The following MUC5AC variants were observed in gnomAD, a reference collection of about 807,000 sequenced individuals.
MUC5AC encodes the protein mucin-5AC.
Under a neutral mutation model 169.7 loss-of-function variants are expected in MUC5AC, and 158 were observed. The ratio of observed to expected loss-of-function variants is 0.93; its 90% CI spans 0.82 to 1.06. MUC5AC has a LOEUF of 1.06. Among genes scored for constraint, MUC5AC ranks in the 50% least tolerant of loss-of-function variants. The probability of loss-of-function intolerance (pLI) is 0.00; values close to 1 mark genes in which losing one functional copy is unlikely to be tolerated. For missense variants in MUC5AC, 4,359 were observed against 3,089.9 expected, an observed-to-expected ratio of 1.41 and a Z score of -9.74; for synonymous variants, 1,975 against 1,237.0, an observed-to-expected ratio of 1.60 and a Z score of -12.52.
intron 19 of MUC5AC, among the ~76,000 whole-genome samples, chr11:1,175,716 TCA>T (rs1235494728): frequency 6.3e-4 from 37 of 58,672 alleles, no homozygotes; most frequent in African/African-American, 2.4e-3. Flanking sequence ...ATGCACACGC[TCA>T]CACACCCACT....
rs1288865250 is a variant in MUC5AC at position 1,174,994 on chromosome 11, C to T, written c.2205C>T (p.Phe735=). 1 of 405,488 alleles carries T rather than the reference C, an allele frequency of 2.5e-6. No homozygotes were observed. The highest frequency in any genetic ancestry group is 2.1e-5 in the African/African-American group (1 of 48,710). The allele number at this position is 405,488 out of a possible 1,614,324, so 25.1% of individuals were successfully genotyped here. A position where few individuals can be genotyped will look rare whatever the true frequency, so the allele number is the denominator to read the frequency against. ...SEGDITCSVG[F]IPVDGCICPK... is the part of the protein sequence containing the mutation. ...GGGACATCACCTGCAGTGTTGGCTT[C>T]ATCCCCGTGGATGGCTGCATCTGTC... is the stretch of plus-strand genomic sequence containing the variant. Residue 735 remains phenylalanine, a synonymous_variant, in exon 18 of 49, where the codon TTC becomes TTT. Coordinates refer to ENST00000621226, the MANE Select transcript of MUC5AC (RefSeq NM_001304359.2).
intron 43 of MUC5AC, 80 bp from the exon 44 acceptor site, chr11:1,198,794 G>A: frequency 3.0e-6 from 2 of 666,404 alleles, no homozygotes; most frequent in Non-Finnish European, 2.7e-6. Context: ...GAAGTTGGGG[G>A]CAGCAAGCCA....
rs542242426 is a variant in MUC5AC, at chr11:1,166,405, C to T, written c.1386+645C>T. On this transcript the variant is annotated intron_variant, in intron 11 of 48. Transcript: ENST00000621226. ...TCTCTCCACAATGAGACCCTGCACC[C>T]GACACACAGTCTCTGCACGATGAGA... is the stretch of plus-strand genomic sequence containing the variant. 7.1e-4 allele frequency among the ~76,000 whole-genome samples: 101 copies of T among 143,142 alleles called. 4 individuals are homozygous for T. Among genetic ancestry groups the T allele is most frequent in the Non-Finnish European group, 1.0e-3 (66 of 65,944 alleles). The allele number at this position is 143,142 out of a possible 152,430, so 93.9% of individuals were successfully genotyped here.
intron 16 of MUC5AC, 58 bp from the exon 17 acceptor site, chr11:1,174,438 G>T: frequency 9.1e-7 from 1 of 1,099,392 alleles, no homozygotes; most frequent in Non-Finnish European, 1.3e-6. Context: ...GCAGGGCGTG[G>T]GGGGCCACCA....
rs530060035 is a variant in MUC5AC at position 1,161,931 on chromosome 11, G to T, written c.236G>T (p.Arg79Leu). 6.2e-7 allele frequency: 1 copy of T among 1,611,934 alleles called. No individual in the cohort carries two copies. The highest frequency in any genetic ancestry group is 8.5e-7 in the Non-Finnish European group (1 of 1,179,580). Residue 79 changes from arginine (R) to leucine (L), a missense_variant, in exon 4 of 49, where the codon CGG becomes CTG. Arg to Leu is a moderately radical substitution (Grantham distance 102). Coordinates refer to ENST00000621226, the MANE Select transcript of MUC5AC (RefSeq NM_001304359.2). ...VRASNPAHNG[R>L]VCSTWGSFHY... The stretch of plus-strand genomic sequence containing the variant: ...GCCTCCAACCCGGCGCACAACGGGC[G>T]GGTGTGCAGCACCTGGGGCAGCTTC...
Position 1,195,865 on chromosome 11 carries a change from C to CAA in MUC5AC, c.15459-11_15459-10insAA. ...AGGCTGCACCCAGCACCCTGCCCAT[C>CAA]CCTCCCACAGGGTCTTTGAGCCGTG... On this transcript the variant is annotated splice_polypyrimidine_tract_variant and intron_variant, in intron 36 of 48. Transcript: ENST00000621226. 1.4e-6 allele frequency: 1 copy of CAA among 712,650 alleles called. No homozygotes were observed. 44.1% of individuals were successfully genotyped at this position (712,650 alleles called of 1,614,324 possible). A position where few individuals can be genotyped will look rare whatever the true frequency, so the allele number is the denominator to read the frequency against.
At position 1,193,681 on chromosome 11, in the gene MUC5AC, A is replaced by T. The variant is rs1316300587; in HGVS notation, c.14755+22A>T. On this transcript the variant is annotated intron_variant, in intron 33 of 48. Transcript: ENST00000621226. ...CAGTGTGAGTGGAGCGCCGAGCGGG[A>T]CCCAGGGCAGCCGGGGCAGCCACTC... 4.0e-6 allele frequency: 3 copies of T among 758,710 alleles called. No homozygotes were observed. The East Asian group carries it at 7.3e-5, about 18-fold the overall frequency. 47.0% of individuals were successfully genotyped at this position (758,710 alleles called of 1,614,324 possible).
chr11:1,163,082 GTC>G, intron 6 of MUC5AC, 37 bp downstream of exon 6: 1 of 1,578,520 alleles, frequency 6.3e-7, no homozygotes. Context: ...CTTCCTCAGT[GTC>G]CCCTGGGGGC....
rs1480208444 is a variant in MUC5AC, at chr11:1,188,814, A to G, written c.10669A>G (p.Ile3557Val). ...CAACATCATCAGGAGTGGGGAAAAA[A>G]TCTGCCGCCGACCTGAGGAGATCAC... ...YNNIIRSGEKICRRPEEITRL... is the reference protein window; with the variant it reads ...YNNIIRSGEKVCRRPEEITRL... The change falls in exon 31 of 49, where the codon ATC becomes GTC. Residue 3557 changes from isoleucine to valine, a missense_variant. Transcript: ENST00000621226. The G allele has an allele frequency of 1.3e-6, 1 of 755,802 alleles. No individual in the cohort carries two copies. Among genetic ancestry groups the G allele is most frequent in the African/African-American group, 1.7e-5 (1 of 58,852 alleles). The allele number at this position is 755,802 out of a possible 1,614,324, so 46.8% of individuals were successfully genotyped here.
rs1385467363 is a variant in MUC5AC, at chr11:1,190,476, A to G, written c.12331A>G (p.Thr4111Ala). ...PQTSTTSAPT[T>A]STIPASTPST... Reference sequence around the variant, plus strand: ...GACCAGCACAACCTCTGCCCCTACAACCAGCACAATCCCTGCTTCTACACC... The same window carrying G: ...GACCAGCACAACCTCTGCCCCTACAGCCAGCACAATCCCTGCTTCTACACC... Residue 4111 changes from threonine to alanine, a missense_variant, in exon 31 of 49, where the codon ACC (threonine) becomes GCC (alanine). Coordinates refer to ENST00000621226, the MANE Select transcript of MUC5AC (RefSeq NM_001304359.2). 4.3e-6 allele frequency: 3 copies of G among 699,550 alleles called. No homozygotes were observed. Among genetic ancestry groups the G allele is most frequent in the Non-Finnish European group, 7.8e-6 (3 of 384,088 alleles). 43.3% of individuals were successfully genotyped at this position (699,550 alleles called of 1,614,324 possible). A position where few individuals can be genotyped will look rare whatever the true frequency, so the allele number is the denominator to read the frequency against.
intron 1 of MUC5AC, 25 bp downstream of exon 1, chr11:1,158,097 T>C: frequency 1.3e-6 from 2 of 1,576,384 alleles, no homozygotes; most frequent in Middle Eastern, 1.8e-4. Context: ...CTGGCCGCTC[T>C]ACTGGTCCTG....
chr11:1,165,488 C>G, intron 10 of MUC5AC, 69 bp downstream of exon 10: 1 of 1,580,978 alleles, frequency 6.3e-7, no homozygotes, highest in South Asian at 1.1e-5. Context: ...GGTTGCAACC[C>G]AGGCCGGCAG....
chr11:1,171,326 CTCACTCACTCACGCAT>C (rs1307098856), intron 15 of MUC5AC, among the ~76,000 whole-genome samples: 8 of 68,844 alleles, frequency 1.2e-4, no homozygotes, highest in Non-Finnish European at 2.0e-4. Flanking sequence ...AGTCACCTCA[CTCACTCACTCACGCAT>C]TCACTCACTC....
chr11:1,189,973 C>T lies in MUC5AC; in HGVS notation c.11828C>T (p.Thr3943Ile). ...TSTSHVSVSK[T>I]THSQPVTRDC... ...ACAAGCCATGTTTCTGTATCCAAGA[C>T]AACCCACTCCCAACCAGTCACCAGA... The change falls in exon 31 of 49, where the codon ACA becomes ATA. Residue 3943 changes from threonine (T) to isoleucine (I), a missense_variant. Transcript: ENST00000621226. 1.3e-6 allele frequency: 1 copy of T among 765,172 alleles called. No homozygotes were observed. The highest frequency in any genetic ancestry group is 2.4e-6 in the Non-Finnish European group (1 of 417,892). The allele number at this position is 765,172 out of a possible 1,614,324, so 47.4% of individuals were successfully genotyped here.
rs1466456057 is a variant in MUC5AC at position 1,182,596 on chromosome 11, C to G, written c.4451C>G (p.Ser1484Cys). ...TGCACGCCCCTACCCTGCTCCACCT[C>G]TAGCAGTCCAGCCCAGACCACTCCT... ...QCCTPLPCST[S>C]SSPAQTTPPT... The change falls in exon 31 of 49, where the codon TCT (serine) becomes TGT (cysteine). Residue 1484 changes from serine (S) to cysteine (C), a missense_variant. Physicochemically the swap from Ser to Cys is moderately radical, Grantham distance 112. Transcript: ENST00000621226. 1 of 398,706 alleles carries G rather than the reference C, an allele frequency of 2.5e-6. No individual in the cohort carries two copies. Among genetic ancestry groups the G allele is most frequent in the Admixed American group, 4.4e-5 (1 of 22,712 alleles). The allele number at this position is 398,706 out of a possible 1,614,324, so 24.7% of individuals were successfully genotyped here. A position where few individuals can be genotyped will look rare whatever the true frequency, so the allele number is the denominator to read the frequency against.
Position 1,179,192 on chromosome 11 carries a change from C to A in MUC5AC, c.3428C>A (p.Ala1143Asp). ...ECFCTAVAAY[A>D]QACHEVGLCV... ...TTCTGCACGGCTGTGGCCGCCTACG[C>A]CCAGGCCTGCCATGAAGTAGGCCTG... Residue 1143 changes from alanine (A) to aspartate (D), a missense_variant, in exon 26 of 49, where the codon GCC becomes GAC. Physicochemically the swap from Ala to Asp is moderately radical, Grantham distance 126. Transcript: ENST00000621226. The A allele has an allele frequency of 1.5e-6, 1 of 681,246 alleles. No individual in the cohort carries two copies. Among genetic ancestry groups the A allele is most frequent in the Non-Finnish European group, 2.7e-6 (1 of 373,866 alleles). The allele number at this position is 681,246 out of a possible 1,614,324, so 42.2% of individuals were successfully genotyped here. A position where few individuals can be genotyped will look rare whatever the true frequency, so the allele number is the denominator to read the frequency against.
At chr11:1,173,486 C>T (rs1860601491) in intron 16 of MUC5AC, among the ~76,000 whole-genome samples, 1 of 151,796 alleles carries the variant, frequency 6.6e-6, no homozygotes, top group Non-Finnish European at 1.5e-5. Context: ...CTCACTCATC[C>T]ACTCACTCGC....
chr11:1,161,896 T>C lies in MUC5AC; in HGVS notation c.212-11T>C, dbSNP rs765644540. 1.2e-5 allele frequency: 20 copies of C among 1,608,838 alleles called. No individual in the cohort carries two copies. In the East Asian group the frequency reaches 1.8e-4, roughly 14 times the overall value. On this transcript the variant is annotated splice_polypyrimidine_tract_variant and intron_variant, in intron 3 of 48. Transcript: ENST00000621226. The stretch of plus-strand genomic sequence containing the variant: ...GCGACGCCCCCAAACACCATGCTGC[T>C]TCCACCGCAGCCTCCAACCCGGCGC...
chr11:1,186,251 T>A lies in MUC5AC; in HGVS notation c.8106T>A (p.Pro2702=). 1 of 748,964 alleles carries A rather than the reference T, an allele frequency of 1.3e-6. No homozygotes were observed. Among genetic ancestry groups the A allele is most frequent in the Non-Finnish European group, 2.4e-6 (1 of 409,760 alleles). The allele number at this position is 748,964 out of a possible 1,614,324, so 46.4% of individuals were successfully genotyped here. The change falls in exon 31 of 49, where the codon CCT becomes CCA. Residue 2702 remains proline, a synonymous_variant. Transcript: ENST00000621226. ...TTSGPGTTPS[P]VPTTSTTSAP... is the part of the protein sequence containing the mutation. ...CTGGTCCTGGAACTACTCCCAGCCC[T>A]GTTCCCACCACCAGCACAACCTCTG...
Sources: gnomAD v4.1 joint callset for allele counts (sites outside exome capture counted in the v4.1 genomes callset) on GRCh38, gnomAD v4.1.1 for gene constraint, MANE v1.5 for transcripts, NCBI Gene and HGNC (gene_info 2026-07-23, HGNC 2026-07-21) for gene names.